LINGO2: variants seen among roughly 807,000 people sequenced by gnomAD.
LINGO2 encodes leucine rich repeat and Ig domain containing 2, also known as leucine-rich repeat and immunoglobulin-like domain-containing nogo receptor-interacting protein 2.
A neutral mutation model predicts 30.6 loss-of-function variants in LINGO2; 14 were observed. That is an observed-to-expected ratio of 0.46 (90% CI 0.30 to 0.72). LINGO2 has a LOEUF of 0.72. Among genes scored for constraint, LINGO2 ranks in the 30% least tolerant of loss-of-function variants. The probability of loss-of-function intolerance (pLI) is 0.07; values close to 1 mark genes in which losing one functional copy is unlikely to be tolerated. For missense variants in LINGO2, 729 were observed against 751.7 expected, an observed-to-expected ratio of 0.97 and a Z score of 0.35; for synonymous variants, 317 against 288.5, an observed-to-expected ratio of 1.10 and a Z score of -1.00.
chr9:28,497,784 G>A lies in LINGO2; in HGVS notation c.-364-21759C>T, dbSNP rs537883328. 1.7e-3 allele frequency among the ~76,000 whole-genome samples: 257 copies of A among 152,204 alleles called. 2 individuals are homozygous for A. Among genetic ancestry groups the A allele is most frequent in the African/African-American group, 5.8e-3 (240 of 41,522 alleles). On this transcript the variant is annotated intron_variant, in intron 1 of 5. Transcript: ENST00000379992. ...TCTGCTCTGTTTTTTCCCCATCTTT[G>A]TGGTTTTGTCTACCATCATCTTTGA...
chr9:28,930,210 T>TA, the LINGO2 span, among the ~76,000 whole-genome samples: 1 of 151,992 alleles, frequency 6.6e-6, no homozygotes, highest in Admixed American at 6.6e-5. The surrounding 1 kb of genome is among the most constrained non-coding windows in gnomAD (Gnocchi z 4.2). Flanking sequence ...GCACAAGGGG[T>TA]ACTGCTTCCT....
chr9:28,176,922 C>T (rs901250924), intron 4 of LINGO2, among the ~76,000 whole-genome samples: 35 of 152,254 alleles, frequency 2.3e-4, no homozygotes, highest in African/African-American at 5.1e-4. Context: ...ACTTCCTATA[C>T]GAACATGACT....
intron 1 of LINGO2, among the ~76,000 whole-genome samples, chr9:28,573,624 C>T (rs897276642): frequency 6.6e-6 from 1 of 152,152 alleles, no homozygotes; most frequent in Non-Finnish European, 1.5e-5. Flanking sequence ...CTTTTTGTCA[C>T]ATTACAGTTT....
At chr9:29,204,955 A>G in the LINGO2 span, among the ~76,000 whole-genome samples, 3 of 152,218 alleles carry the variant, frequency 2.0e-5, no homozygotes, top group African/African-American at 7.2e-5. Context: ...TTCCTTATCA[A>G]GTTGAGGAAG....
chr9:28,797,396 A>AGAGAGAGAGAGAGAGAGC, the LINGO2 span, among the ~76,000 whole-genome samples: 1 of 143,262 alleles, frequency 7.0e-6, no homozygotes, highest in Non-Finnish European at 1.5e-5. Context: ...AGAGAGAGAG[A>AGAGAGAGAGAGAGAGAGC]AAGCCTGCAG....
chr9:29,011,471 G>C, the LINGO2 span, among the ~76,000 whole-genome samples: 3 of 152,114 alleles, frequency 2.0e-5, no homozygotes, highest in African/African-American at 7.2e-5. Context: ...GAGTTTTCTT[G>C]TGTTCTGTAG....
the LINGO2 span, among the ~76,000 whole-genome samples, chr9:28,742,771 G>C: frequency 1.3e-5 from 2 of 151,462 alleles, no homozygotes; most frequent in African/African-American, 2.4e-5. Flanking sequence ...GGTTCTCTTA[G>C]TTTATACCTG....
chr9:28,556,627 A>C (rs2135529907), intron 1 of LINGO2, among the ~76,000 whole-genome samples: 1 of 152,196 alleles, frequency 6.6e-6, no homozygotes, highest in South Asian at 2.1e-4. Flanking sequence ...GACTTTCTTC[A>C]CAGAATTGGA....
At chr9:28,746,710 AAC>A in the LINGO2 span, among the ~76,000 whole-genome samples, 4 of 151,982 alleles carry the variant, frequency 2.6e-5, no homozygotes, top group Non-Finnish European at 1.5e-5. Flanking sequence ...ACATAAATAA[AAC>A]ACTCTGCATA....
chr9:27,959,270 C>A (rs1819722326), intron 5 of LINGO2, among the ~76,000 whole-genome samples: 1 of 151,914 alleles, frequency 6.6e-6, no homozygotes, highest in Admixed American at 6.6e-5. Context: ...TCATTAATTT[C>A]TGTTCTTATC....
At chr9:28,912,947 G>C in the LINGO2 span, among the ~76,000 whole-genome samples, 17 of 152,032 alleles carry the variant, frequency 1.1e-4, no homozygotes, top group Non-Finnish European at 2.1e-4. Context: ...TTAATTGTTG[G>C]TGCTAGATCT....
rs550939387 is a variant in LINGO2, at chr9:28,427,374, C to T, written c.-279+48566G>A. 1.8e-3 allele frequency among the ~76,000 whole-genome samples: 271 copies of T among 152,174 alleles called. 1 individual carries two copies. The Middle Eastern group carries it at 0.024, about 13-fold the overall frequency. Reference sequence around the variant, plus strand: ...TATGAAGGCCCGGTGTGTATGAATACGATCACTTCACTACTCAAACAACTA... The same window carrying T: ...TATGAAGGCCCGGTGTGTATGAATATGATCACTTCACTACTCAAACAACTA... On this transcript the variant is annotated intron_variant, in intron 2 of 5. Transcript: ENST00000379992.
chr9:27,990,242 G>C (rs1343149700), intron 5 of LINGO2, among the ~76,000 whole-genome samples: 4 of 151,886 alleles, frequency 2.6e-5, no homozygotes, highest in African/African-American at 7.3e-5. Context: ...ATAATAGAAT[G>C]AGCATTCCCT....
rs560272166 is a variant in LINGO2 at position 28,477,208 on chromosome 9, G to C, written c.-364-1183C>G. 4.4e-4 allele frequency among the ~76,000 whole-genome samples: 67 copies of C among 152,164 alleles called. No homozygotes were observed. The Middle Eastern group carries it at 0.024, about 54-fold the overall frequency. On this transcript the variant is annotated intron_variant, in intron 1 of 5. Transcript: ENST00000379992. ...TCCTACATGACACTGCCACTTGTGT[G>C]ACCAATGATAATGGCAATAATTACG...
At chr9:28,196,738 A>G (rs549957626) in intron 4 of LINGO2, among the ~76,000 whole-genome samples, 38 of 152,128 alleles carry the variant, frequency 2.5e-4, no homozygotes, top group Admixed American at 1.0e-3. Context: ...AAATTTAGTC[A>G]ATTTATATCT....
chr9:28,574,807 G>A (rs553878073), intron 1 of LINGO2, among the ~76,000 whole-genome samples: 2 of 152,192 alleles, frequency 1.3e-5, no homozygotes, highest in East Asian at 3.9e-4. Flanking sequence ...CTCTAGTTGA[G>A]GGACATAAGG....
intron 1 of LINGO2, among the ~76,000 whole-genome samples, chr9:28,539,020 A>G (rs1436636491): frequency 6.6e-6 from 1 of 152,118 alleles, no homozygotes; most frequent in Non-Finnish European, 1.5e-5. Flanking sequence ...GTTTAAGCTC[A>G]GAGATTTTTC....
chr9:29,123,241 T>C, the LINGO2 span, among the ~76,000 whole-genome samples: 5 of 151,952 alleles, frequency 3.3e-5, no homozygotes, highest in African/African-American at 1.2e-4. Context: ...ACCTAAGAAC[T>C]CATATATATT....
intron 2 of LINGO2, among the ~76,000 whole-genome samples, chr9:28,459,947 A>G: frequency 6.6e-6 from 1 of 152,298 alleles, no homozygotes; most frequent in East Asian, 1.9e-4. Context: ...ATTTCAAAAA[A>G]TTATTTTAAT....
Sources: gnomAD v4.1 joint callset for allele counts (sites outside exome capture counted in the v4.1 genomes callset) on GRCh38, gnomAD v4.1.1 for gene constraint, Gnocchi (gnomAD v3.1) non-coding constraint, MANE v1.5 for transcripts, NCBI Gene and HGNC (gene_info 2026-07-23, HGNC 2026-07-21) for gene names.